Variants in DCAF1 observed in about 807,000 individuals in gnomAD.
DCAF1 encodes DDB1 and CUL4 associated factor 1.
A neutral mutation model predicts 128.0 loss-of-function variants in DCAF1; 15 were observed. That is an observed-to-expected ratio of 0.12 (90% CI 0.08 to 0.18). The LOEUF is 0.18. DCAF1 is among the 10% of genes least tolerant of loss of function. DCAF1 has a pLI of 1.00. For synonymous variants in DCAF1, 610 were observed against 603.0 expected, an observed-to-expected ratio of 1.01 and a Z score of -0.17; for missense variants, 988 against 1,649.5, an observed-to-expected ratio of 0.60 and a Z score of 6.95.
chr3:51,416,105 C>T (rs1008797070), intron 18 of DCAF1, among the ~76,000 whole-genome samples: 1 of 152,092 alleles, frequency 6.6e-6, no homozygotes, highest in Admixed American at 6.6e-5. Context: ...CAGAGTCACA[C>T]TTCAGGAACT....
chr3:51,408,690 T>C (rs1316890209), intron 23 of DCAF1, among the ~76,000 whole-genome samples: 1 of 152,118 alleles, frequency 6.6e-6, no homozygotes, highest in Non-Finnish European at 1.5e-5. Context: ...ATCAACAGAA[T>C]TAAGGTTACA....
At chr3:51,418,239 A>C (rs1553631117) in intron 16 of DCAF1, 41 bp from the exon 17 acceptor site, 2 of 1,575,432 alleles carry the variant, frequency 1.3e-6, no homozygotes, top group Admixed American at 3.8e-5. Flanking sequence ...ACGTATTTAC[A>C]TACATGCAGA....
At chr3:51,452,918 G>C (rs1419968653) in intron 6 of DCAF1, among the ~76,000 whole-genome samples, 1 of 151,778 alleles carries the variant, frequency 6.6e-6, no homozygotes, top group East Asian at 1.9e-4. Context: ...AGGAAGTTGA[G>C]GCAGGAGAAA....
chr3:51,481,295 A>C (rs569758138), intron 3 of DCAF1, among the ~76,000 whole-genome samples: 1 of 152,318 alleles, frequency 6.6e-6, no homozygotes, highest in East Asian at 1.9e-4. Flanking sequence ...TGTGTATGAG[A>C]AAAAGGAATC....
chr3:51,464,178 T>C (rs1247996148), intron 5 of DCAF1, among the ~76,000 whole-genome samples: 3 of 152,036 alleles, frequency 2.0e-5, no homozygotes, highest in Non-Finnish European at 4.4e-5. Context: ...ATATACACTT[T>C]TTTAAAAGCA....
At chr3:51,468,654 G>A (rs1194933216) in intron 4 of DCAF1, among the ~76,000 whole-genome samples, 5 of 152,080 alleles carry the variant, frequency 3.3e-5, no homozygotes, top group Non-Finnish European at 5.9e-5. Context: ...AGAAACATCA[G>A]AGAAAAGTAT....
chr3:51,494,215 T>C (rs1174161868), intron 2 of DCAF1, among the ~76,000 whole-genome samples: 2 of 149,714 alleles, frequency 1.3e-5, no homozygotes, highest in African/African-American at 2.5e-5. Flanking sequence ...CCCGGGTTCA[T>C]GCCATTCTCC....
upstream of DCAF1, among the ~76,000 whole-genome samples, chr3:51,504,545 A>C (rs1414361441): frequency 6.6e-6 from 1 of 152,042 alleles, no homozygotes; most frequent in Non-Finnish European, 1.5e-5. Context: ...ATGGGGTTTC[A>C]CCATGTTGGC....
At chr3:51,478,829 A>C (rs1281940014) in intron 3 of DCAF1, among the ~76,000 whole-genome samples, 3 of 152,180 alleles carry the variant, frequency 2.0e-5, no homozygotes, top group South Asian at 4.1e-4. Flanking sequence ...GTTAAAATCC[A>C]GTTTCTGCCA....
intron 4 of DCAF1, among the ~76,000 whole-genome samples, chr3:51,468,606 G>A (rs1553647329): frequency 2.6e-5 from 4 of 152,182 alleles, no homozygotes; most frequent in Non-Finnish European, 5.9e-5. Flanking sequence ...TTTTTACCAA[G>A]CTGTTAATTA....
intron 24 of DCAF1, among the ~76,000 whole-genome samples, chr3:51,400,630 TACCTTCCTTATCCTTTCCCC>T (rs1203154458): frequency 5.9e-5 from 9 of 152,270 alleles, no homozygotes; most frequent in African/African-American, 1.7e-4. Flanking sequence ...CGCCTTTCTC[TACCTTCCTTATCCTTTCCCC>T]ACCTTCCTTA....
intron 7 of DCAF1, among the ~76,000 whole-genome samples, chr3:51,443,544 T>A (rs1463961259): frequency 6.6e-6 from 1 of 150,964 alleles, no homozygotes; most frequent in African/African-American, 2.4e-5. Flanking sequence ...GAGCCAAGAT[T>A]GCATCACTGC....
chr3:51,401,431 G>T (rs990455543), intron 24 of DCAF1, among the ~76,000 whole-genome samples: 10 of 152,204 alleles, frequency 6.6e-5, no homozygotes, highest in Non-Finnish European at 1.5e-4. Flanking sequence ...AACACAGAAA[G>T]AGCCATGGAG....
intron 3 of DCAF1, among the ~76,000 whole-genome samples, chr3:51,477,726 T>C (rs1705656329): frequency 6.6e-6 from 1 of 152,154 alleles, no homozygotes; most frequent in African/African-American, 2.4e-5. Context: ...TAATGATGTA[T>C]CTTTCAGAGA....
At chr3:51,422,178 C>A in intron 14 of DCAF1, 129 bp downstream of exon 14, 1 of 621,642 alleles carries the variant, frequency 1.6e-6, no homozygotes, top group African/African-American at 1.8e-5. Context: ...AAAGGACAGA[C>A]AAGGAGCCCC....
chr3:51,491,106 T>C (rs367786891), intron 2 of DCAF1, among the ~76,000 whole-genome samples: 13 of 150,350 alleles, frequency 8.6e-5, no homozygotes, highest in African/African-American at 3.2e-4. Flanking sequence ...TCCCAGCACT[T>C]TGGGAGGTCG....
chr3:51,446,815 A>G (rs1701897258), intron 6 of DCAF1, among the ~76,000 whole-genome samples: 1 of 151,114 alleles, frequency 6.6e-6, no homozygotes. Flanking sequence ...TACAAAAATT[A>G]GCCAGCATGG....
intron 3 of DCAF1, among the ~76,000 whole-genome samples, chr3:51,480,080 G>C (rs1257743158): frequency 6.7e-6 from 1 of 149,326 alleles, no homozygotes; most frequent in Non-Finnish European, 1.5e-5. Flanking sequence ...CTCTATCCTG[G>C]GTAACACAGT....
intron 13 of DCAF1, 116 bp downstream of exon 13, chr3:51,427,256 C>A: frequency 1.8e-6 from 1 of 567,596 alleles, no homozygotes; most frequent in South Asian, 2.6e-5. Flanking sequence ...AGATTCAAGT[C>A]CAAAATTTCA....
Sources: allele counts gnomAD v4.1 joint callset (sites outside exome capture counted in the v4.1 genomes callset), GRCh38; gene constraint gnomAD v4.1.1; transcripts MANE v1.5; gene names NCBI Gene and HGNC (gene_info 2026-07-23, HGNC 2026-07-21).